The following ADAMTSL1 variants were observed in gnomAD, a reference collection of about 807,000 sequenced individuals.
ADAMTSL1 encodes ADAMTS like 1.
ADAMTSL1 carries 126 observed loss-of-function variants against 201.8 expected under a neutral mutation model. That is an observed-to-expected ratio of 0.62 (90% CI 0.54 to 0.72). The LOEUF (loss-of-function observed/expected upper bound fraction) is 0.72. Ranked by LOEUF, ADAMTSL1 falls within the 30% of genes least tolerant of loss-of-function variation. ADAMTSL1 has a pLI of 0.00. For synonymous variants in ADAMTSL1, 1,121 were observed against 903.4 expected (o/e 1.24, Z -4.32); for missense variants, 2,679 against 2,277.8 (o/e 1.18, Z -3.59).
chr9:18,798,455 A>G (rs2131065570), intron 20 of ADAMTSL1, among the ~76,000 whole-genome samples: 2 of 152,374 alleles, frequency 1.3e-5, no homozygotes, highest in East Asian at 3.9e-4. Context: ...TGTGGCTGGC[A>G]TGTAGCAGGC....
intron 4 of ADAMTSL1, among the ~76,000 whole-genome samples, chr9:18,586,839 A>T (rs960650031): frequency 6.6e-6 from 1 of 152,138 alleles, no homozygotes; most frequent in Non-Finnish European, 1.5e-5. Flanking sequence ...AACACAACCA[A>T]TGAGGAAAGG....
intron 7 of ADAMTSL1, among the ~76,000 whole-genome samples, chr9:18,650,155 A>G (rs1394856713): frequency 6.6e-6 from 1 of 152,136 alleles, no homozygotes; most frequent in Non-Finnish European, 1.5e-5. Flanking sequence ...CTGCTTTGCT[A>G]GCAATCAGTG....
At position 18,278,404 on chromosome 9, in the gene ADAMTSL1, G is replaced by A. The variant is rs561385913; in HGVS notation, c.207+114423G>A. 8.8e-4 allele frequency among the ~76,000 whole-genome samples: 134 copies of A among 152,228 alleles called. 1 individual carries two copies. Among genetic ancestry groups the A allele is most frequent in the African/African-American group, 2.6e-3 (110 of 41,534 alleles). ...TCTTCATCTCTCTTTTGTTTCTAAA[G>A]AATAGCCTTGCCTGGTACAGTATTG... On this transcript the variant is annotated intron_variant, in intron 2 of 29. Coordinates refer to the ADAMTSL1 transcript ENST00000680146.
chr9:18,250,709 G>A (rs549564732), intron 2 of ADAMTSL1, among the ~76,000 whole-genome samples: 108 of 152,190 alleles, frequency 7.1e-4, no homozygotes, highest in African/African-American at 2.5e-3. Flanking sequence ...TGCCTTGCTC[G>A]TGGAAGAGGG....
intron 2 of ADAMTSL1, among the ~76,000 whole-genome samples, chr9:18,352,132 C>T (rs901928095): frequency 6.6e-6 from 1 of 151,976 alleles, no homozygotes; most frequent in African/African-American, 2.4e-5. Flanking sequence ...TTTTAAAATA[C>T]ACAGCTGTAG....
chr9:18,047,211 T>A (rs1002343395), intron 1 of ADAMTSL1, among the ~76,000 whole-genome samples: 1 of 152,128 alleles, frequency 6.6e-6, no homozygotes, highest in African/African-American at 2.4e-5. Context: ...AGGTATAAAA[T>A]TAGTAACTAG....
chr9:17,940,762 AAAAT>A (rs1336226820), intron 1 of ADAMTSL1, among the ~76,000 whole-genome samples: 32 of 151,296 alleles, frequency 2.1e-4, no homozygotes, highest in African/African-American at 2.2e-4. Context: ...CCTAACTCGA[AAAAT>A]AAATAAAGGT....
chr9:18,860,985 C>T (rs1827177166), intron 23 of ADAMTSL1, among the ~76,000 whole-genome samples: 1 of 152,198 alleles, frequency 6.6e-6, no homozygotes, highest in Non-Finnish European at 1.5e-5. Flanking sequence ...TTCTCACTTC[C>T]ATTCGTTATG....
intron 2 of ADAMTSL1, among the ~76,000 whole-genome samples, chr9:18,351,481 G>T (rs1708257853): frequency 6.6e-6 from 1 of 151,976 alleles, no homozygotes; most frequent in Non-Finnish European, 1.5e-5. Flanking sequence ...GAGAGTATTG[G>T]GAAATGTGAT....
intron 2 of ADAMTSL1, among the ~76,000 whole-genome samples, chr9:18,327,516 A>G (rs1025736696): frequency 2.6e-5 from 4 of 152,220 alleles, no homozygotes; most frequent in African/African-American, 9.6e-5. Context: ...TATCTGTGCA[A>G]GGTAACAGTA....
intron 2 of ADAMTSL1, among the ~76,000 whole-genome samples, chr9:18,222,612 A>G (rs1353105733): frequency 6.8e-6 from 1 of 146,704 alleles, no homozygotes. Flanking sequence ...TGTATATTCC[A>G]ATCAGTATTT....
rs1042706618 is a variant in ADAMTSL1 at position 18,535,333 on chromosome 9, G to A, written c.237+2041G>A. On this transcript the variant is annotated intron_variant, in intron 3 of 28. Coordinates refer to ENST00000380548, the MANE Select transcript of ADAMTSL1 (RefSeq NM_001040272.6). ...CTCCATCTGAGACCACCCCAGCCTG[G>A]ACTTTGTTGCCTGTATCACTATCAG... Among the ~76,000 whole-genome samples the A allele has an allele frequency of 1.1e-4, 16 of 152,258 alleles. 1 individual carries two copies. Among genetic ancestry groups the A allele is most frequent in the Admixed American group, 9.2e-4 (14 of 15,288 alleles).
At chr9:18,562,040 A>T (rs545138568) in intron 3 of ADAMTSL1, among the ~76,000 whole-genome samples, 3 of 152,108 alleles carry the variant, frequency 2.0e-5, no homozygotes, top group African/African-American at 7.2e-5. Context: ...TAATATTGTT[A>T]TGTGTGAATC....
chr9:18,187,317 C>G (rs1368367031), intron 2 of ADAMTSL1, among the ~76,000 whole-genome samples: 1 of 152,044 alleles, frequency 6.6e-6, no homozygotes, highest in African/African-American at 2.4e-5. Context: ...CTAAATAACT[C>G]CTATTTAAGG....
At chr9:18,331,947 C>T (rs1423086819) in intron 2 of ADAMTSL1, among the ~76,000 whole-genome samples, 1 of 152,138 alleles carries the variant, frequency 6.6e-6, no homozygotes, top group Non-Finnish European at 1.5e-5. Context: ...GCTGCAGTCT[C>T]GCCTGTAATT....
At chr9:18,037,357 T>C (rs1354939567) in intron 1 of ADAMTSL1, among the ~76,000 whole-genome samples, 1 of 152,198 alleles carries the variant, frequency 6.6e-6, no homozygotes, top group Non-Finnish European at 1.5e-5. Flanking sequence ...TGTGGTCCCC[T>C]ACACAAATTT....
At chr9:17,953,117 A>G (rs1298085834) in intron 1 of ADAMTSL1, among the ~76,000 whole-genome samples, 1 of 152,048 alleles carries the variant, frequency 6.6e-6, no homozygotes, top group African/African-American at 2.4e-5. Flanking sequence ...CTGCCCATGG[A>G]GAAAGCTTTG....
At chr9:18,549,114 T>C (rs1165008346) in intron 3 of ADAMTSL1, among the ~76,000 whole-genome samples, 2 of 151,996 alleles carry the variant, frequency 1.3e-5, no homozygotes, top group Non-Finnish European at 2.9e-5. Context: ...CAGACTAAAG[T>C]TGCAATGAAA....
At chr9:18,207,878 A>G (rs1418298913) in intron 2 of ADAMTSL1, among the ~76,000 whole-genome samples, 2 of 113,636 alleles carry the variant, frequency 1.8e-5, no homozygotes, top group Non-Finnish European at 4.0e-5. Context: ...ATAGAGTACT[A>G]AAAAAAAACA....
Sources: allele counts gnomAD v4.1 joint callset (sites outside exome capture counted in the v4.1 genomes callset), GRCh38; gene constraint gnomAD v4.1.1; transcripts MANE v1.5; gene names NCBI Gene and HGNC (gene_info 2026-07-23, HGNC 2026-07-21).